Variants in HDAC4 observed in about 807,000 individuals in gnomAD.
HDAC4 encodes the protein histone deacetylase A.
A neutral mutation model predicts 135.1 loss-of-function variants in HDAC4; 16 were observed. The observed-to-expected ratio is 0.12, with a 90% CI of 0.08 to 0.18. HDAC4 has a LOEUF of 0.18. Ranked by LOEUF, HDAC4 falls within the 10% of genes least tolerant of loss-of-function variation. The pLI is 1.00. For synonymous variants in HDAC4, 685 were observed against 653.4 expected (o/e 1.05, Z -0.74); for missense variants, 1,143 against 1,511.8 (o/e 0.76, Z 4.05).
At chr2:239,191,430 C>A (rs948873969) in intron 3 of HDAC4, among the ~76,000 whole-genome samples, 3 of 152,252 alleles carry the variant, frequency 2.0e-5, no homozygotes, top group Non-Finnish European at 2.9e-5. Flanking sequence ...TTGGGTGAAA[C>A]AGCCCATAGG....
At chr2:239,149,763 C>T (rs565399894) in intron 7 of HDAC4, among the ~76,000 whole-genome samples, 72 of 152,176 alleles carry the variant, frequency 4.7e-4, no homozygotes, top group Admixed American at 1.4e-3. Flanking sequence ...CTGACGGTGA[C>T]GGCACTGCTC....
intron 22 of HDAC4, among the ~76,000 whole-genome samples, chr2:239,070,540 T>G (rs2034073720): frequency 6.6e-6 from 1 of 152,262 alleles, no homozygotes; most frequent in Non-Finnish European, 1.5e-5. Context: ...TCCTTTAGGC[T>G]GCCGCCTTCG....
Position 239,285,961 on chromosome 2 carries a change from C to T in HDAC4, c.23-49297G>A. ...TTTCCAAACAGTAAGACCAGCGAGA[C>T]ATACGCTCCCAAGCAAACACAAGCC... On this transcript the variant is annotated intron_variant, in intron 2 of 26. Coordinates refer to ENST00000543185, the MANE Select transcript of HDAC4 (RefSeq NM_001378414.1). This position sits in a 1 kb window ranked among gnomAD's most constrained non-coding sequence, Gnocchi z 4.5. Among the ~76,000 whole-genome samples, 1 of 152,102 alleles carries T rather than the reference C, an allele frequency of 6.6e-6. No homozygotes were observed. Among genetic ancestry groups the T allele is most frequent in the East Asian group, 1.9e-4 (1 of 5,200 alleles).
chr2:239,296,469 T>G (rs963947123), intron 2 of HDAC4, among the ~76,000 whole-genome samples: 1 of 152,184 alleles, frequency 6.6e-6, no homozygotes, highest in Non-Finnish European at 1.5e-5. Flanking sequence ...GCCAGCTGAG[T>G]GCTGACACTC....
intron 12 of HDAC4, among the ~76,000 whole-genome samples, chr2:239,123,672 T>C (rs1446193124): frequency 6.6e-6 from 1 of 152,206 alleles, no homozygotes; most frequent in Non-Finnish European, 1.5e-5. Flanking sequence ...GCGCCAGGGC[T>C]GAGCTGACTC....
intron 2 of HDAC4, among the ~76,000 whole-genome samples, chr2:239,283,992 A>G (rs59161018): frequency 0.3 from 45,219 of 152,122 alleles, 7,204 homozygotes; most frequent in African/African-American, 0.41. Flanking sequence ...CGAAGGCGCC[A>G]AGGGCGTCGG....
intron 17 of HDAC4, among the ~76,000 whole-genome samples, chr2:239,093,590 G>T (rs968464613): frequency 6.6e-6 from 1 of 152,246 alleles, no homozygotes; most frequent in African/African-American, 2.4e-5. Flanking sequence ...CCCACGGCCT[G>T]CACTGTTCCC....
At chr2:239,097,810 A>G (rs2037247953) in intron 16 of HDAC4, among the ~76,000 whole-genome samples, 1 of 152,208 alleles carries the variant, frequency 6.6e-6, no homozygotes, top group Non-Finnish European at 1.5e-5. Context: ...ACCTCACCAC[A>G]GTGGGCGGGT....
chr2:239,338,714 G>C (rs1692103612), intron 2 of HDAC4, among the ~76,000 whole-genome samples: 1 of 152,202 alleles, frequency 6.6e-6, no homozygotes, highest in African/African-American at 2.4e-5. Context: ...TTCAGACTGA[G>C]AGGACCACAG....
At chr2:239,111,775 T>G in intron 13 of HDAC4, 63 bp from the exon 14 acceptor site, 1 of 1,432,698 alleles carries the variant, frequency 7.0e-7, no homozygotes, top group Non-Finnish European at 9.6e-7. Flanking sequence ...GCTGCAGGGC[T>G]AGGGGTTGCC....
intron 23 of HDAC4, among the ~76,000 whole-genome samples, chr2:239,067,233 T>C (rs982008249): frequency 3.9e-5 from 6 of 152,164 alleles, no homozygotes. Context: ...CAAACATGTA[T>C]GTGTACACAT....
At chr2:239,382,996 C>T (rs1014508394) in intron 1 of HDAC4, among the ~76,000 whole-genome samples, 2 of 152,180 alleles carry the variant, frequency 1.3e-5, no homozygotes. Context: ...TCCCAAAGTA[C>T]TGGGATTACA....
upstream of HDAC4, chr2:239,401,623 G>A (rs988182919): frequency 2.0e-5 from 5 of 249,590 alleles, no homozygotes; most frequent in Non-Finnish European, 3.9e-5. Context: ...GCCAGGCCTC[G>A]CCGCGGCGTC....
rs1444273734 is a variant in HDAC4, at chr2:239,081,205, G to A, written c.2653-13C>T. 7 of 1,608,458 alleles carry A rather than the reference G, an allele frequency of 4.4e-6. No homozygotes were observed. In the Admixed American group the frequency reaches 1.2e-4, roughly 27 times the overall value. Reference sequence around the variant, plus strand: ...GCCCTGTGCCCACCTGTGGCCAGAAGGAGAGAAACACACGTCATGGACCCC... The same window carrying A: ...GCCCTGTGCCCACCTGTGGCCAGAAAGAGAGAAACACACGTCATGGACCCC... On this transcript the variant is annotated splice_polypyrimidine_tract_variant and intron_variant, in intron 21 of 26. Coordinates refer to ENST00000543185, the MANE Select transcript of HDAC4 (RefSeq NM_001378414.1).
chr2:239,202,392 G>C (rs926638157), intron 3 of HDAC4, among the ~76,000 whole-genome samples: 1 of 152,226 alleles, frequency 6.6e-6, no homozygotes, highest in Non-Finnish European at 1.5e-5. Flanking sequence ...GTAACACCTG[G>C]AGACAGGCAA....
intron 15 of HDAC4, among the ~76,000 whole-genome samples, chr2:239,106,687 G>A (rs948538017): frequency 9.0e-5 from 11 of 122,076 alleles, no homozygotes; most frequent in East Asian, 6.5e-4. Context: ...TAAAGGAAAC[G>A]GGGGGTAAGA....
chr2:239,238,296 CTGTA>C (rs2048000548), intron 2 of HDAC4, among the ~76,000 whole-genome samples: 1 of 152,082 alleles, frequency 6.6e-6, no homozygotes, highest in East Asian at 1.9e-4. Flanking sequence ...GAAAAGGTGC[CTGTA>C]TGTATGTATG....
At chr2:239,129,729 C>T (rs922034527) in intron 11 of HDAC4, among the ~76,000 whole-genome samples, 12 of 152,196 alleles carry the variant, frequency 7.9e-5, no homozygotes, top group African/African-American at 2.9e-4. Context: ...GCCAGCTCCC[C>T]TGGAAGTCCA....
chr2:239,333,700 A>G (rs914070574), intron 2 of HDAC4, among the ~76,000 whole-genome samples: 4 of 152,198 alleles, frequency 2.6e-5, no homozygotes, highest in African/African-American at 9.7e-5. Flanking sequence ...AAATGAAAAT[A>G]CCATTTTTTG....
Sources: allele counts gnomAD v4.1 joint callset (sites outside exome capture counted in the v4.1 genomes callset), GRCh38; gene constraint gnomAD v4.1.1; non-coding constraint Gnocchi (gnomAD v3.1); transcripts MANE v1.5; gene names NCBI Gene and HGNC (gene_info 2026-07-23, HGNC 2026-07-21).